Variants in AGAP1 observed in about 807,000 individuals in gnomAD.
The protein encoded by AGAP1 is ArfGAP with GTPase domain, ankyrin repeat and PH domain 1.
Under a neutral mutation model 105.3 loss-of-function variants are expected in AGAP1, and 29 were observed. The observed-to-expected ratio is 0.28, with a 90% CI of 0.21 to 0.38. The LOEUF (loss-of-function observed/expected upper bound fraction) is 0.38. Ranked by LOEUF, AGAP1 falls within the 10% of genes least tolerant of loss-of-function variation. The probability of loss-of-function intolerance (pLI) is 1.00; values close to 1 mark genes in which losing one functional copy is unlikely to be tolerated. For synonymous variants in AGAP1, 509 were observed against 485.9 expected, an observed-to-expected ratio of 1.05 and a Z score of -0.63; for missense variants, 998 against 1,165.1, an observed-to-expected ratio of 0.86 and a Z score of 2.09.
rs1465198424 is a variant in AGAP1, at chr2:236,003,177, T to C, written c.1646-33384T>C. ...CTTGTGCCTCAACCCCCCAAGTAGC[T>C]GGGACTACAGGCACATGCCGCCACG... On this transcript the variant is annotated intron_variant, in intron 13 of 17. Transcript: ENST00000304032. The surrounding 1 kb of genome is among the most constrained non-coding windows in gnomAD (Gnocchi z 4.2). 1.3e-5 allele frequency among the ~76,000 whole-genome samples: 2 copies of C among 152,180 alleles called. No homozygotes were observed. The highest frequency in any genetic ancestry group is 2.9e-5 in the Non-Finnish European group (2 of 68,036).
intron 17 of AGAP1, among the ~76,000 whole-genome samples, chr2:236,122,708 A>G (rs1262771790): frequency 8.3e-6 from 1 of 120,324 alleles, no homozygotes; most frequent in Non-Finnish European, 1.7e-5. Flanking sequence ...TTTGAGACAG[A>G]GTCTCACTCT....
At chr2:235,763,989 T>TACAGCTGTGATCCGTGC (rs1553625338) in intron 6 of AGAP1, among the ~76,000 whole-genome samples, 2 of 142,824 alleles carry the variant, frequency 1.4e-5, no homozygotes, top group Non-Finnish European at 3.0e-5. Flanking sequence ...AAGATCTGTG[T>TACAGCTGTGATCCGTGC]GTGGCTGTGA....
chr2:235,991,936 C>CA (rs2055581676), intron 13 of AGAP1, among the ~76,000 whole-genome samples: 1 of 152,022 alleles, frequency 6.6e-6, no homozygotes, highest in African/African-American at 2.4e-5. Flanking sequence ...TTCAGACTTG[C>CA]AAAAAAACGC....
At chr2:235,572,111 C>G (rs78462297) in intron 1 of AGAP1, among the ~76,000 whole-genome samples, 1 of 150,342 alleles carries the variant, frequency 6.7e-6, no homozygotes, top group African/African-American at 2.5e-5. Flanking sequence ...GGCTTAGCCT[C>G]TAATTTGGGT....
intron 9 of AGAP1, among the ~76,000 whole-genome samples, chr2:235,826,839 T>C (rs1559534027): frequency 6.6e-6 from 1 of 152,192 alleles, no homozygotes; most frequent in African/African-American, 2.4e-5. Flanking sequence ...CTTCGTCACT[T>C]TTCTCCACAG....
chr2:235,870,480 G>A (rs543373873), intron 9 of AGAP1, among the ~76,000 whole-genome samples: 3 of 152,272 alleles, frequency 2.0e-5, no homozygotes, highest in Non-Finnish European at 2.9e-5. Context: ...TACAAAATTA[G>A]CCAGGCATGG....
chr2:235,961,117 A>C lies in AGAP1; in HGVS notation c.1484-7345A>C, dbSNP rs1183195831. On this transcript the variant is annotated intron_variant, in intron 12 of 17. Transcript: ENST00000304032. The surrounding 1 kb of genome is among the most constrained non-coding windows in gnomAD (Gnocchi z 5.9). The stretch of plus-strand genomic sequence containing the variant: ...GGATGAGCGAAGGCCTGCCTTCCTG[A>C]AGCTCGAGCGCTCATAGGGAAGATG... 1.3e-5 allele frequency among the ~76,000 whole-genome samples: 2 copies of C among 152,234 alleles called. No individual in the cohort carries two copies. The highest frequency in any genetic ancestry group is 2.9e-5 in the Non-Finnish European group (2 of 68,046).
At chr2:236,008,271 G>A (rs2056391636) in intron 13 of AGAP1, among the ~76,000 whole-genome samples, 2 of 152,188 alleles carry the variant, frequency 1.3e-5, no homozygotes, top group African/African-American at 4.8e-5. Context: ...CATATACCCA[G>A]AAGTAGGGGA....
rs187867659 is a variant in AGAP1 at position 235,579,807 on chromosome 2, C to T, written c.163+84958C>T. Among the ~76,000 whole-genome samples, 16 of 152,096 alleles carry T rather than the reference C, an allele frequency of 1.1e-4. No individual in the cohort carries two copies. The East Asian group carries it at 2.5e-3, about 24-fold the overall frequency. On this transcript the variant is annotated intron_variant, in intron 1 of 17. Transcript: ENST00000304032. ...AAAAAAAAAGTGAACACTTACTTAGCGTATGCACCACATGGTGTAACCACC... is the reference window on the plus strand; with the variant it reads ...AAAAAAAAAGTGAACACTTACTTAGTGTATGCACCACATGGTGTAACCACC...
At position 235,829,145 on chromosome 2, in the gene AGAP1, C is replaced by G. The variant is rs372810374; in HGVS notation, c.1050+21814C>G. On this transcript the variant is annotated intron_variant, in intron 9 of 17. Transcript: ENST00000304032. ...ACCTGCGTTTCCCTGTTTGTTCTGC[C>G]ATGGGGCATGAGGCAGCGCCTGGCT... 1.7e-4 allele frequency among the ~76,000 whole-genome samples: 26 copies of G among 152,358 alleles called. 1 individual carries two copies. Among genetic ancestry groups the G allele is most frequent in the African/African-American group, 5.8e-4 (24 of 41,584 alleles).
intron 1 of AGAP1, among the ~76,000 whole-genome samples, chr2:235,628,121 G>A (rs1041215004): frequency 6.6e-6 from 1 of 151,976 alleles, no homozygotes; most frequent in African/African-American, 2.4e-5. Context: ...AGAGCCCTCC[G>A]TGAGACCATT....
At position 235,971,548 on chromosome 2, in the gene AGAP1, A is replaced by C. The variant is rs2054642051; in HGVS notation, c.1645+2925A>C. 6.6e-6 allele frequency among the ~76,000 whole-genome samples: 1 copy of C among 151,886 alleles called. No homozygotes were observed. The highest frequency in any genetic ancestry group is 2.4e-5 in the African/African-American group (1 of 41,380). On this transcript the variant is annotated intron_variant, in intron 13 of 17. Coordinates refer to ENST00000304032, the MANE Select transcript of AGAP1 (RefSeq NM_001037131.3). This position sits in a 1 kb window ranked among gnomAD's most constrained non-coding sequence, Gnocchi z 4.8. Reference sequence around the variant, plus strand: ...ACCCCGTCTCTACTAAAAATACAAAAATTAGCTGGGCATGGTGGCAGGTCC... The same window carrying C: ...ACCCCGTCTCTACTAAAAATACAAACATTAGCTGGGCATGGTGGCAGGTCC...
Position 236,005,020 on chromosome 2 carries a change from T to C in AGAP1, c.1646-31541T>C, listed in dbSNP as rs1215807285. Among the ~76,000 whole-genome samples the C allele has an allele frequency of 6.6e-6, 1 of 152,242 alleles. No homozygotes were observed. The highest frequency in any genetic ancestry group is 2.4e-5 in the African/African-American group (1 of 41,462). ...GCTTATTAGAGTGTATTTGATAGAC[T>C]TTGTTTTCTAGGAAAGCTTTAGACT... On this transcript the variant is annotated intron_variant, in intron 13 of 17. Transcript: ENST00000304032. The surrounding 1 kb of genome is among the most constrained non-coding windows in gnomAD (Gnocchi z 4.1).
At chr2:235,682,364 A>G (rs1386161665) in intron 1 of AGAP1, among the ~76,000 whole-genome samples, 1 of 151,488 alleles carries the variant, frequency 6.6e-6, no homozygotes, top group African/African-American at 2.4e-5. Flanking sequence ...TTTGTTTGAG[A>G]TGGAGTCTCA....
Position 235,879,578 on chromosome 2 carries a change from A to G in AGAP1, c.1051-3767A>G, listed in dbSNP as rs1239781177. Among the ~76,000 whole-genome samples, 3 of 152,180 alleles carry G rather than the reference A, an allele frequency of 2.0e-5. No homozygotes were observed. The highest frequency in any genetic ancestry group is 4.4e-5 in the Non-Finnish European group (3 of 68,032). On this transcript the variant is annotated intron_variant, in intron 9 of 17. Coordinates refer to ENST00000304032, the MANE Select transcript of AGAP1 (RefSeq NM_001037131.3). The surrounding 1 kb of genome is among the most constrained non-coding windows in gnomAD (Gnocchi z 5.0). ...TATTGAGAGTTTTCCTAGGATCAAA[A>G]GAAAATCAGCGTAGGCCTGGCACAG...
At chr2:235,999,185 GTGA>G (rs1156944071) in intron 13 of AGAP1, among the ~76,000 whole-genome samples, 31 of 146,882 alleles carry the variant, frequency 2.1e-4, no homozygotes, top group Non-Finnish European at 4.3e-4. Context: ...AATGGTGATG[GTGA>G]TGATGGCAGT....
Position 235,550,419 on chromosome 2 carries a change from A to T in AGAP1, c.163+55570A>T, listed in dbSNP as rs949142331. Reference sequence around the variant, plus strand: ...CGTCATTGGGAGTCACTGAGCATGCACACGGGCTGTCAGGTCCTGGTCCCA... The same window carrying T: ...CGTCATTGGGAGTCACTGAGCATGCTCACGGGCTGTCAGGTCCTGGTCCCA... On this transcript the variant is annotated intron_variant, in intron 1 of 17. Coordinates refer to ENST00000304032, the MANE Select transcript of AGAP1 (RefSeq NM_001037131.3). This position sits in a 1 kb window ranked among gnomAD's most constrained non-coding sequence, Gnocchi z 4.6. 6.6e-5 allele frequency among the ~76,000 whole-genome samples: 10 copies of T among 152,172 alleles called. No homozygotes were observed. The highest frequency in any genetic ancestry group is 2.4e-4 in the African/African-American group (10 of 41,444).
chr2:235,962,371 G>T lies in AGAP1; in HGVS notation c.1484-6091G>T, dbSNP rs2125318087. Among the ~76,000 whole-genome samples, 3 of 152,208 alleles carry T rather than the reference G, an allele frequency of 2.0e-5. No individual in the cohort carries two copies. In the East Asian group the frequency reaches 5.8e-4, roughly 29 times the overall value. On this transcript the variant is annotated intron_variant, in intron 12 of 17. Coordinates refer to ENST00000304032, the MANE Select transcript of AGAP1 (RefSeq NM_001037131.3). This position sits in a 1 kb window ranked among gnomAD's most constrained non-coding sequence, Gnocchi z 5.3. ...GGGCTTCCTACTCAGGAGAGATGGT[G>T]GGAGAAGGGAAACTTACAAGGGTGA... is the stretch of plus-strand genomic sequence containing the variant.
intron 9 of AGAP1, among the ~76,000 whole-genome samples, chr2:235,838,411 A>G (rs1960421013): frequency 6.6e-6 from 1 of 152,236 alleles, no homozygotes; most frequent in African/African-American, 2.4e-5. Context: ...AGGAGGAAGA[A>G]GAGGCACTGT....
Sources: allele counts gnomAD v4.1 joint callset (sites outside exome capture counted in the v4.1 genomes callset), GRCh38; gene constraint gnomAD v4.1.1; non-coding constraint Gnocchi (gnomAD v3.1); transcripts MANE v1.5; gene names NCBI Gene and HGNC (gene_info 2026-07-23, HGNC 2026-07-21).